Variants in CDH12 observed in about 807,000 individuals in gnomAD.
CDH12 encodes the protein cadherin 12.
CDH12 carries 41 observed loss-of-function variants against 74.1 expected under a neutral mutation model. The observed-to-expected ratio is 0.55, with a 90% confidence interval of 0.43 to 0.72. The LOEUF (loss-of-function observed/expected upper bound fraction) is 0.72. Among genes scored for constraint, CDH12 ranks in the 30% least tolerant of loss-of-function variants. The pLI is 0.00. For synonymous variants in CDH12, 399 were observed against 355.0 expected (o/e 1.12, Z -1.39); for missense variants, 945 against 977.2 (o/e 0.97, Z 0.44).
intron 5 of CDH12, among the ~76,000 whole-genome samples, chr5:22,050,831 G>A (rs1740306573): frequency 6.6e-6 from 1 of 152,106 alleles, no homozygotes; most frequent in South Asian, 2.1e-4. Flanking sequence ...CATGATATCA[G>A]CAAACATTGT....
intron 1 of CDH12, among the ~76,000 whole-genome samples, chr5:22,604,828 G>A (rs376139752): frequency 6.6e-6 from 1 of 152,096 alleles, no homozygotes; most frequent in African/African-American, 2.4e-5. Flanking sequence ...CAAAGTAAGA[G>A]AGATATGCCA....
intron 9 of CDH12, among the ~76,000 whole-genome samples, chr5:21,804,805 T>G (rs1747342171): frequency 6.6e-6 from 1 of 152,090 alleles, no homozygotes; most frequent in Non-Finnish European, 1.5e-5. Flanking sequence ...TATTGCCATC[T>G]TGCTTAATGA....
intron 12 of CDH12, 40 bp from the exon 13 acceptor site, chr5:21,760,715 A>G (rs776109827): frequency 1.7e-6 from 2 of 1,201,714 alleles, no homozygotes; most frequent in East Asian, 4.7e-5. Flanking sequence ...ATCAGTTTCA[A>G]AGAGGACTTT....
intron 4 of CDH12, among the ~76,000 whole-genome samples, chr5:22,124,179 C>T (rs1745697369): frequency 6.6e-6 from 1 of 151,600 alleles, no homozygotes; most frequent in Admixed American, 6.6e-5. Flanking sequence ...TTTTTTGAGA[C>T]AGAGTCTCGC....
intron 5 of CDH12, among the ~76,000 whole-genome samples, chr5:22,044,552 G>A (rs369843911): frequency 6.6e-6 from 1 of 152,132 alleles, no homozygotes; most frequent in Non-Finnish European, 1.5e-5. Flanking sequence ...CCCCCCATCA[G>A]GTCCATCCCT....
chr5:22,736,558 GT>G (rs142148882), intron 1 of CDH12, among the ~76,000 whole-genome samples: 2 of 149,172 alleles, frequency 1.3e-5, no homozygotes, highest in South Asian at 2.1e-4. Context: ...TAGAGTCAGC[GT>G]TTTTTTTTAC....
intron 11 of CDH12, among the ~76,000 whole-genome samples, chr5:21,771,303 A>G (rs1002720219): frequency 1.3e-5 from 2 of 152,152 alleles, no homozygotes; most frequent in African/African-American, 4.8e-5. Context: ...AAACTGAATT[A>G]TACTAGTGCA....
At chr5:22,441,768 C>T (rs1332458018) in intron 2 of CDH12, among the ~76,000 whole-genome samples, 1 of 151,954 alleles carries the variant, frequency 6.6e-6, no homozygotes, top group African/African-American at 2.4e-5. Flanking sequence ...GCAGTGGAAC[C>T]GTGTTGGCTC....
intron 5 of CDH12, among the ~76,000 whole-genome samples, chr5:22,049,975 G>C (rs974425573): frequency 6.6e-6 from 1 of 151,972 alleles, no homozygotes; most frequent in African/African-American, 2.4e-5. Context: ...ATTTTCTACA[G>C]AACAAAGACC....
At chr5:22,555,133 C>A (rs901800628) in intron 1 of CDH12, among the ~76,000 whole-genome samples, 2 of 152,034 alleles carry the variant, frequency 1.3e-5, no homozygotes, top group Non-Finnish European at 2.9e-5. Flanking sequence ...TTTTCCTTCC[C>A]AACCATCCAG....
chr5:21,752,281 G>C, intron 14 of CDH12, 45 bp from the exon 15 acceptor site: 2 of 1,523,104 alleles, frequency 1.3e-6, no homozygotes, highest in East Asian at 2.3e-5. Flanking sequence ...AAAGCAGATA[G>C]GTCATTTCAT....
intron 11 of CDH12, among the ~76,000 whole-genome samples, chr5:21,777,187 C>A (rs1745637234): frequency 6.6e-6 from 1 of 152,066 alleles, no homozygotes; most frequent in Non-Finnish European, 1.5e-5. Flanking sequence ...AAAAAAGATC[C>A]TTCACAATTA....
In CDH12 at chr5:21,993,434, C is replaced by T. The variant is rs372450921; in HGVS notation, c.232-18049G>A. Among the ~76,000 whole-genome samples the T allele has an allele frequency of 2.8e-4, 42 of 152,162 alleles. 1 individual carries two copies. The East Asian group carries it at 3.1e-3, about 11-fold the overall frequency. The stretch of plus-strand genomic sequence containing the variant: ...TGGGCCTAACCCTATCACATGAGAC[C>T]TGTAAAGCAGAAAGTTTTTTCCAAG... On this transcript the variant is annotated intron_variant, in intron 5 of 14. Transcript: ENST00000382254.
chr5:22,277,851 C>T, intron 3 of CDH12, among the ~76,000 whole-genome samples: 1 of 152,162 alleles, frequency 6.6e-6, no homozygotes, highest in Admixed American at 6.6e-5. Flanking sequence ...CAACAACAAA[C>T]AACAAACAAA....
chr5:22,231,942 G>C (rs939918866), intron 3 of CDH12, among the ~76,000 whole-genome samples: 1 of 151,828 alleles, frequency 6.6e-6, no homozygotes, highest in African/African-American at 2.4e-5. Context: ...ACATTTCTTG[G>C]AGAAGAAAGA....
chr5:22,161,636 G>A (rs201713071), intron 4 of CDH12, among the ~76,000 whole-genome samples: 26 of 148,996 alleles, frequency 1.7e-4, no homozygotes, highest in South Asian at 1.1e-3. Context: ...AGATTGCAGC[G>A]AGCTATAATT....
chr5:21,895,234 C>T (rs769328255), intron 6 of CDH12, among the ~76,000 whole-genome samples: 1 of 152,164 alleles, frequency 6.6e-6, no homozygotes, highest in Non-Finnish European at 1.5e-5. Flanking sequence ...CTCCCCCTCA[C>T]ACTCCTTCAG....
At chr5:22,527,813 T>G (rs1737356437) in intron 1 of CDH12, among the ~76,000 whole-genome samples, 2 of 152,162 alleles carry the variant, frequency 1.3e-5, no homozygotes, top group Non-Finnish European at 2.9e-5. Context: ...ATTTGCTCAC[T>G]ATGGGTGATC....
intron 1 of CDH12, among the ~76,000 whole-genome samples, chr5:22,675,159 A>G (rs540164435): frequency 2.0e-5 from 3 of 152,294 alleles, no homozygotes; most frequent in Admixed American, 2.0e-4. Context: ...CCAGAAGTTT[A>G]GGAGGAAAAC....
Sources: allele counts gnomAD v4.1 joint callset (sites outside exome capture counted in the v4.1 genomes callset), GRCh38; gene constraint gnomAD v4.1.1; transcripts MANE v1.5; gene names NCBI Gene and HGNC (gene_info 2026-07-23, HGNC 2026-07-21).